RBMS3: variants seen among roughly 807,000 people sequenced by gnomAD.
RBMS3 encodes RNA binding motif single stranded interacting protein 3, also known as RNA-binding motif, single-stranded-interacting protein 3.
Under a neutral mutation model 66.8 loss-of-function variants are expected in RBMS3, and 27 were observed. The observed-to-expected ratio is 0.40, with a 90% CI of 0.30 to 0.56. RBMS3 has a LOEUF of 0.56. Among genes scored for constraint, RBMS3 ranks in the 20% least tolerant of loss-of-function variants. The pLI, the probability that RBMS3 is intolerant of heterozygous loss-of-function variation, is 0.40. For synonymous variants in RBMS3, 188 were observed against 183.0 expected (o/e 1.03, Z -0.22); for missense variants, 513 against 549.5 (o/e 0.93, Z 0.66).
chr3:29,471,712 G>A (rs966342548), intron 2 of RBMS3, among the ~76,000 whole-genome samples: 18 of 112,634 alleles, frequency 1.6e-4, no homozygotes, highest in Admixed American at 1.5e-3. Flanking sequence ...ATATCATGAG[G>A]ACTTAGTTTT....
chr3:29,695,408 G>A (rs980419630), intron 4 of RBMS3, among the ~76,000 whole-genome samples: 1 of 152,126 alleles, frequency 6.6e-6, no homozygotes, highest in South Asian at 2.1e-4. Context: ...AGCTCACTGC[G>A]AACTTCTTAG....
Position 29,827,010 on chromosome 3 carries a change from G to A in RBMS3, c.638-41848G>A, listed in dbSNP as rs564418752. On this transcript the variant is annotated intron_variant, in intron 6 of 14. Coordinates refer to ENST00000383767, the MANE Select transcript of RBMS3 (RefSeq NM_001003793.3). ...AAGAGGGGCAAAGGGGGAACTGAGT[G>A]ATTTAAGAATCACAGAATTTGGAAT... Among the ~76,000 whole-genome samples, 7 of 152,214 alleles carry A rather than the reference G, an allele frequency of 4.6e-5. No homozygotes were observed. The South Asian group carries it at 1.5e-3, about 32-fold the overall frequency.
intron 6 of RBMS3, among the ~76,000 whole-genome samples, chr3:29,842,649 T>C (rs1385971373): frequency 6.6e-6 from 1 of 152,226 alleles, no homozygotes; most frequent in Non-Finnish European, 1.5e-5. Context: ...TGTGAATATC[T>C]TGCCTTACTT....
At chr3:29,335,229 C>T (rs1397508648) in intron 1 of RBMS3, among the ~76,000 whole-genome samples, 1 of 152,006 alleles carries the variant, frequency 6.6e-6, no homozygotes, top group Non-Finnish European at 1.5e-5. Context: ...TATGATAGAG[C>T]AAACATTATT....
At chr3:29,522,666 A>G (rs2044907876) in intron 3 of RBMS3, among the ~76,000 whole-genome samples, 1 of 152,184 alleles carries the variant, frequency 6.6e-6, no homozygotes, top group Admixed American at 6.6e-5. Flanking sequence ...TGGTACCAGG[A>G]GGAAACACTG....
At chr3:29,779,442 A>G (rs2056545381) in intron 6 of RBMS3, among the ~76,000 whole-genome samples, 1 of 151,618 alleles carries the variant, frequency 6.6e-6, no homozygotes, top group South Asian at 2.1e-4. Context: ...AATGGGCCAA[A>G]GAAGCCATGG....
In RBMS3 at chr3:29,546,701, G is replaced by T. The variant is rs900906630; in HGVS notation, c.308-40413G>T. Among the ~76,000 whole-genome samples, 5 of 152,180 alleles carry T rather than the reference G, an allele frequency of 3.3e-5. No homozygotes were observed. In the East Asian group the frequency reaches 7.7e-4, roughly 23 times the overall value. ...GCAAGTGTAAGTTTTGCTAGTCTAT[G>T]ATTGCATTGGGCTGGGATACAGAAA... On this transcript the variant is annotated intron_variant, in intron 3 of 14. Transcript: ENST00000383767.
At chr3:29,661,145 C>A (rs2050530025) in intron 4 of RBMS3, among the ~76,000 whole-genome samples, 2 of 152,164 alleles carry the variant, frequency 1.3e-5, no homozygotes, top group South Asian at 4.1e-4. Flanking sequence ...AAATTAACCA[C>A]AATTTATCAT....
chr3:29,354,552 A>G (rs1455110196), intron 1 of RBMS3, among the ~76,000 whole-genome samples: 1 of 152,016 alleles, frequency 6.6e-6, no homozygotes, highest in African/African-American at 2.4e-5. Context: ...ATTTGTATCC[A>G]TGGTGCACGT....
intron 4 of RBMS3, among the ~76,000 whole-genome samples, chr3:29,645,952 C>T (rs2149204535): frequency 6.6e-6 from 1 of 152,236 alleles, no homozygotes; most frequent in Middle Eastern, 3.4e-3. Flanking sequence ...TTGGAAATAC[C>T]TACAAAGCCC....
intron 3 of RBMS3, among the ~76,000 whole-genome samples, chr3:29,494,497 G>A (rs1420859539): frequency 6.6e-6 from 1 of 152,178 alleles, no homozygotes; most frequent in Admixed American, 6.5e-5. Context: ...AACAAAGCGA[G>A]TAACAGCTCC....
At chr3:29,621,223 A>G (rs950011078) in intron 4 of RBMS3, among the ~76,000 whole-genome samples, 3 of 151,622 alleles carry the variant, frequency 2.0e-5, no homozygotes, top group Admixed American at 6.6e-5. Flanking sequence ...GAAAGACAGC[A>G]TAATAATTCT....
chr3:29,752,673 TATAAG>T (rs1387229749), intron 5 of RBMS3, among the ~76,000 whole-genome samples: 1 of 152,222 alleles, frequency 6.6e-6, no homozygotes, highest in East Asian at 1.9e-4. Context: ...TTAATAGCTT[TATAAG>T]GTTCTCCATT....
intron 1 of RBMS3, among the ~76,000 whole-genome samples, chr3:29,357,652 T>C (rs1352285643): frequency 6.6e-6 from 1 of 152,214 alleles, no homozygotes; most frequent in Non-Finnish European, 1.5e-5. Context: ...TGAACTAGTT[T>C]ACAGTCCCAC....
intron 4 of RBMS3, among the ~76,000 whole-genome samples, chr3:29,702,262 A>G (rs1261905457): frequency 6.6e-6 from 1 of 152,160 alleles, no homozygotes; most frequent in South Asian, 2.1e-4. Flanking sequence ...AAATGCACCA[A>G]TCAGTGCTCT....
At position 29,980,074 on chromosome 3, in the gene RBMS3, C is replaced by G. The variant is rs1490813648; in HGVS notation, c.1099-8069C>G. On this transcript the variant is annotated intron_variant, in intron 12 of 14. Coordinates refer to ENST00000383767, the MANE Select transcript of RBMS3 (RefSeq NM_001003793.3). ...TCAACAGTGTAAAGTGTTCCTATTT[C>G]TCCACATCCTCTCTAGCATCTGTTG... Among the ~76,000 whole-genome samples the G allele has an allele frequency of 5.3e-5, 8 of 152,214 alleles. No homozygotes were observed. In the East Asian group the frequency reaches 1.5e-3, roughly 29 times the overall value.
intron 12 of RBMS3, among the ~76,000 whole-genome samples, chr3:29,978,418 A>G (rs1256955667): frequency 6.6e-6 from 1 of 152,106 alleles, no homozygotes; most frequent in East Asian, 1.9e-4. Context: ...TCAAACAAGT[A>G]TTTCAAGTTC....
intron 1 of RBMS3, among the ~76,000 whole-genome samples, chr3:29,424,883 G>A (rs1426556893): frequency 6.6e-6 from 1 of 152,064 alleles, no homozygotes; most frequent in Non-Finnish European, 1.5e-5. Context: ...TTCACAACTG[G>A]AGGAAACTTT....
intron 6 of RBMS3, among the ~76,000 whole-genome samples, chr3:29,785,511 A>C (rs1299057434): frequency 1.3e-5 from 2 of 152,114 alleles, no homozygotes; most frequent in East Asian, 3.9e-4. Flanking sequence ...ATCTGGAGGC[A>C]TCACATTACG....
Sources: allele counts gnomAD v4.1 joint callset (sites outside exome capture counted in the v4.1 genomes callset), GRCh38; gene constraint gnomAD v4.1.1; transcripts MANE v1.5; gene names NCBI Gene and HGNC (gene_info 2026-07-23, HGNC 2026-07-21).